Variants in TBC1D10A observed in about 807,000 individuals in gnomAD.
TBC1D10A encodes EBP50-PDX interactor of 64 kDa.
A neutral mutation model predicts 52.9 loss-of-function variants in TBC1D10A; 24 were observed. That is an observed-to-expected ratio of 0.45 (90% CI 0.33 to 0.64). The LOEUF is 0.64. TBC1D10A is among the 30% of genes least tolerant of loss of function. TBC1D10A has a pLI of 0.02. For missense variants in TBC1D10A, 602 were observed against 687.9 expected, an observed-to-expected ratio of 0.88 and a Z score of 1.40; for synonymous variants, 278 against 282.9, an observed-to-expected ratio of 0.98 and a Z score of 0.17.
At position 30,292,582 on chromosome 22, in the gene TBC1D10A, C is replaced by G; in HGVS notation, c.1320G>C (p.Lys440Asn). The change falls in exon 9 of 9, where the codon AAG becomes AAC. Residue 440 changes from lysine to asparagine, a missense_variant. Physicochemically the swap from Lys to Asn is moderately conservative, Grantham distance 94. This residue lies in a region of TBC1D10A where 265 missense variants were observed against 275.1 expected (regional missense o/e 0.96). Transcript: ENST00000215790. Reference sequence around the variant, plus strand: ...GGGGCTTCTCCAGCTGCCCTCTCCCCTTCATCTGTTTCCGCTGCTCCTTCT... The same window carrying G: ...GGGGCTTCTCCAGCTGCCCTCTCCCGTTCATCTGTTTCCGCTGCTCCTTCT... Reference protein sequence around the residue: ...QAQKEQRKQMKGRGQLEKPPA... With the variant: ...QAQKEQRKQMNGRGQLEKPPA... The G allele has an allele frequency of 6.2e-7, 1 of 1,613,814 alleles. No homozygotes were observed. The highest frequency in any genetic ancestry group is 8.5e-7 in the Non-Finnish European group (1 of 1,179,914).
chr22:30,316,882 T>TA (rs1377649171), intron 1 of TBC1D10A, among the ~76,000 whole-genome samples: 1 of 151,696 alleles, frequency 6.6e-6, no homozygotes, highest in Non-Finnish European at 1.5e-5. Context: ...CTACAAAAAG[T>TA]AAAAAAAGTA....
At chr22:30,295,123 C>A in intron 4 of TBC1D10A, 68 bp from the exon 5 acceptor site, 1 of 1,474,734 alleles carries the variant, frequency 6.8e-7, no homozygotes. Flanking sequence ...TCACCTATGC[C>A]CCAGTGGACC....
intron 1 of TBC1D10A, among the ~76,000 whole-genome samples, chr22:30,321,875 CA>C (rs1250037782): frequency 6.6e-6 from 1 of 152,102 alleles, no homozygotes. Flanking sequence ...ACAGAAGGGA[CA>C]CCAAACAAGT....
Position 30,322,411 on chromosome 22 carries a change from T to C in TBC1D10A, c.209+4262A>G, listed in dbSNP as rs535574740. Among the ~76,000 whole-genome samples, 15 of 152,140 alleles carry C rather than the reference T, an allele frequency of 9.9e-5. No homozygotes were observed. In the East Asian group the frequency reaches 2.3e-3, roughly 24 times the overall value. ...AAGCTGCTTTCTTGTCTGTGGCTACTACTCAAAAACAGACAGGGACCATCT... is the reference window on the plus strand; with the variant it reads ...AAGCTGCTTTCTTGTCTGTGGCTACCACTCAAAAACAGACAGGGACCATCT... On this transcript the variant is annotated intron_variant, in intron 1 of 8. Coordinates refer to ENST00000215790, the MANE Select transcript of TBC1D10A (RefSeq NM_031937.3).
chr22:30,293,685 G>A lies in TBC1D10A; in HGVS notation c.1016C>T (p.Pro339Leu). 5 of 1,612,220 alleles carry A rather than the reference G, an allele frequency of 3.1e-6. No individual in the cohort carries two copies. Among genetic ancestry groups the A allele is most frequent in the Non-Finnish European group, 4.2e-6 (5 of 1,178,708 alleles). Residue 339 changes from proline to leucine, a missense_variant, in exon 8 of 9, where the codon CCC (proline) becomes CTC (leucine). Coordinates refer to ENST00000215790, the MANE Select transcript of TBC1D10A (RefSeq NM_031937.3). ...ETIERLRSLS[P>L]KIMQEAFLVQ... ...CAGAAAGGCCTCCTGCATGATCTTG[G>A]GGCTGAGGCTCCGCAGTCGCTCGAT...
Position 30,304,592 on chromosome 22 carries a change from T to C in TBC1D10A, c.248A>G (p.Glu83Gly), listed in dbSNP as rs1930272862. Residue 83 changes from glutamate (E) to glycine (G), a missense_variant, in exon 2 of 9, where the codon GAG becomes GGG. Glu to Gly is a moderately conservative substitution (Grantham distance 98). Transcript: ENST00000215790. ...EVPLEVLRQR[E>G]SKWLDMLNNW... Reference sequence around the variant, plus strand: ...GTTGAGCATGTCCAGCCACTTGGACTCCCTCTGCCTCAGCACCTCCAGGGG... The same window carrying C: ...GTTGAGCATGTCCAGCCACTTGGACCCCCTCTGCCTCAGCACCTCCAGGGG... The C allele has an allele frequency of 6.2e-7, 1 of 1,613,918 alleles. No individual in the cohort carries two copies. Among genetic ancestry groups the C allele is most frequent in the African/African-American group, 1.3e-5 (1 of 74,918 alleles).
chr22:30,321,429 T>G (rs1263387441), intron 1 of TBC1D10A, among the ~76,000 whole-genome samples: 1 of 152,234 alleles, frequency 6.6e-6, no homozygotes, highest in Non-Finnish European at 1.5e-5. Flanking sequence ...AGTCAGAATC[T>G]GGCCTGCCAG....
intron 1 of TBC1D10A, among the ~76,000 whole-genome samples, chr22:30,309,596 T>A (rs1458150175): frequency 6.6e-6 from 1 of 152,198 alleles, no homozygotes; most frequent in Non-Finnish European, 1.5e-5. Flanking sequence ...AGGTGGCACC[T>A]AATCACAGAT....
chr22:30,295,019 C>A lies in TBC1D10A; in HGVS notation c.561G>T (p.Thr187=). ...QDLFRVLKAY[T]LYRPEEGYCQ... ...AGTAGCCCTCCTCGGGCCGGTACAGCGTGTAGGCCTTCAGCACACGGAATA... is the reference window on the plus strand; with the variant it reads ...AGTAGCCCTCCTCGGGCCGGTACAGAGTGTAGGCCTTCAGCACACGGAATA... Residue 187 remains threonine, a synonymous_variant, in exon 5 of 9, where the codon ACG becomes ACT. Coordinates refer to ENST00000215790, the MANE Select transcript of TBC1D10A (RefSeq NM_031937.3). 1 of 1,614,012 alleles carries A rather than the reference C, an allele frequency of 6.2e-7. No individual in the cohort carries two copies. The highest frequency in any genetic ancestry group is 8.5e-7 in the Non-Finnish European group (1 of 1,180,012).
At chr22:30,304,862 A>G (rs1930279782) in intron 1 of TBC1D10A, among the ~76,000 whole-genome samples, 1 of 152,208 alleles carries the variant, frequency 6.6e-6, no homozygotes, top group African/African-American at 2.4e-5. Context: ...TCAAGTGCCT[A>G]CTTCCCTAAT....
At chr22:30,305,373 G>A (rs1026501357) in intron 1 of TBC1D10A, among the ~76,000 whole-genome samples, 1 of 152,246 alleles carries the variant, frequency 6.6e-6, no homozygotes, top group African/African-American at 2.4e-5. Flanking sequence ...GGCACTGAAT[G>A]TGGGGAAAAC....
intron 1 of TBC1D10A, among the ~76,000 whole-genome samples, chr22:30,326,236 G>A (rs1484746213): frequency 9.3e-5 from 14 of 151,044 alleles, no homozygotes; most frequent in Admixed American, 9.2e-4. Context: ...GGGCGTCTGT[G>A]GGTTTGTGGG....
intron 2 of TBC1D10A, chr22:30,300,400 G>C (rs1400910086): frequency 6.7e-6 from 1 of 149,422 alleles, no homozygotes; most frequent in Non-Finnish European, 1.5e-5. Flanking sequence ...AGTAAGCTAA[G>C]ATCGTGCCAC....
chr22:30,297,318 G>A lies in TBC1D10A; in HGVS notation c.418-1475C>T, dbSNP rs1930102599. 6.6e-6 allele frequency: 1 copy of A among 152,248 alleles called. No homozygotes were observed. The highest frequency in any genetic ancestry group is 2.4e-5 in the African/African-American group (1 of 41,434). The allele number at this position is 152,248 out of a possible 1,614,324, so 9.4% of individuals were successfully genotyped here. ...GGGTCTGTGTACTGTGCACCTCTAAGTACTGTCTGAGCGCAGTGCAGGTTT... is the reference window on the plus strand; with the variant it reads ...GGGTCTGTGTACTGTGCACCTCTAAATACTGTCTGAGCGCAGTGCAGGTTT... On this transcript the variant is annotated intron_variant, in intron 3 of 8. Transcript: ENST00000215790. The surrounding 1 kb of genome is among the most constrained non-coding windows in gnomAD (Gnocchi z 4.3).
At chr22:30,301,545 T>C (rs776312700) in intron 2 of TBC1D10A, among the ~76,000 whole-genome samples, 4 of 152,144 alleles carry the variant, frequency 2.6e-5, no homozygotes, top group African/African-American at 4.8e-5. Flanking sequence ...AAGCAATGGC[T>C]TCCTCTCTGC....
In TBC1D10A at chr22:30,295,023, T is replaced by C. The variant is rs376350478; in HGVS notation, c.557A>G (p.Tyr186Cys). The C allele has an allele frequency of 2.5e-6, 4 of 1,613,898 alleles. No individual in the cohort carries two copies. Among genetic ancestry groups the C allele is most frequent in the Non-Finnish European group, 3.4e-6 (4 of 1,180,024 alleles). Residue 186 changes from tyrosine (Y) to cysteine (C), a missense_variant, in exon 5 of 9, where the codon TAC (tyrosine) becomes TGC (cysteine). This residue lies in a region of TBC1D10A where 136 missense variants were observed against 208.4 expected (regional missense o/e 0.65). Transcript: ENST00000215790. ...QQDLFRVLKA[Y>C]TLYRPEEGYC... ...GCCCTCCTCGGGCCGGTACAGCGTG[T>C]AGGCCTTCAGCACACGGAATAGGTC...
intron 1 of TBC1D10A, among the ~76,000 whole-genome samples, chr22:30,324,599 C>G (rs1930727773): frequency 6.6e-6 from 1 of 152,202 alleles, no homozygotes; most frequent in South Asian, 2.1e-4. Flanking sequence ...GGGCCTCACT[C>G]TGCCCACAAA....
intron 2 of TBC1D10A, among the ~76,000 whole-genome samples, chr22:30,301,219 C>T (rs993095104): frequency 1.3e-5 from 2 of 152,166 alleles, no homozygotes; most frequent in African/African-American, 4.8e-5. Flanking sequence ...AGGCAGTTGC[C>T]CTGACCCGTC....
intron 1 of TBC1D10A, among the ~76,000 whole-genome samples, chr22:30,312,320 A>T (rs1356010960): frequency 6.6e-6 from 1 of 152,054 alleles, no homozygotes. Context: ...CTCTGCCCAG[A>T]CTCGTCCATG....
Sources: allele counts gnomAD v4.1 joint callset (sites outside exome capture counted in the v4.1 genomes callset), GRCh38; gene constraint gnomAD v4.1.1; regional missense constraint gnomAD v4.1.1; non-coding constraint Gnocchi (gnomAD v3.1); transcripts MANE v1.5; gene names NCBI Gene and HGNC (gene_info 2026-07-23, HGNC 2026-07-21).